ATXN2: variants seen among roughly 807,000 people sequenced by gnomAD.
ATXN2 encodes the protein ataxin 2.
Under a neutral mutation model 138.6 loss-of-function variants are expected in ATXN2, and 37 were observed. The observed-to-expected ratio is 0.27, with a 90% confidence interval of 0.21 to 0.35. The LOEUF is 0.35. ATXN2 is among the 10% of genes least tolerant of loss of function. ATXN2 has a pLI of 1.00. For missense variants in ATXN2, 1,216 were observed against 1,480.3 expected, an observed-to-expected ratio of 0.82 and a Z score of 2.93; for synonymous variants, 549 against 543.7, an observed-to-expected ratio of 1.01 and a Z score of -0.13.
chr12:111,539,884 G>C (rs915907432), intron 5 of ATXN2, among the ~76,000 whole-genome samples: 8 of 150,462 alleles, frequency 5.3e-5, no homozygotes, highest in Admixed American at 1.3e-4. Flanking sequence ...AATACTATTA[G>C]TGAAGAATAG....
chr12:111,510,288 T>A, intron 12 of ATXN2, 97 bp downstream of exon 12: 3 of 1,324,058 alleles, frequency 2.3e-6, no homozygotes, highest in Non-Finnish European at 3.1e-6. Context: ...TACTTGTCTA[T>A]GAATAAAAAT....
At chr12:111,455,211 C>A in intron 23 of ATXN2, 1 of 687,488 alleles carries the variant, frequency 1.5e-6, no homozygotes. Context: ...ACATCTAATA[C>A]AGCCAATTCA....
At chr12:111,501,617 A>G (rs545732023) in intron 14 of ATXN2, among the ~76,000 whole-genome samples, 2 of 152,234 alleles carry the variant, frequency 1.3e-5, no homozygotes, top group Admixed American at 6.5e-5. Context: ...CAATATAGCT[A>G]AAGAGTCAAG....
chr12:111,513,557 A>G lies in ATXN2; in HGVS notation c.1376-18T>C, dbSNP rs1566035546. Reference sequence around the variant, plus strand: ...TGGAGGCCCTAAGGAAGAAACAGTGAACATCACATAAATTCCATGATATTC... The same window carrying G: ...TGGAGGCCCTAAGGAAGAAACAGTGGACATCACATAAATTCCATGATATTC... On this transcript the variant is annotated intron_variant, in intron 10 of 24. Coordinates refer to ENST00000673436, the MANE Select transcript of ATXN2 (RefSeq NM_001372574.1). 1.9e-6 allele frequency: 3 copies of G among 1,600,692 alleles called. No homozygotes were observed. In the African/African-American group the frequency reaches 4.0e-5, roughly 22 times the overall value.
At position 111,453,687 on chromosome 12, in the gene ATXN2, C is replaced by G; in HGVS notation, c.3429G>C (p.Thr1143=). The change falls in exon 24 of 25, where the codon ACG becomes ACC. Residue 1143 remains threonine (T), a synonymous_variant. Coordinates refer to ENST00000673436, the MANE Select transcript of ATXN2 (RefSeq NM_001372574.1). The surrounding 1 kb of genome is among the most constrained non-coding windows in gnomAD (Gnocchi z 5.4). ...ACACACACGCCTCACCTGAAGGGTG[C>G]GTCATATAGGGGAAATGCGCTGTTG... ...VSTTAHFPYM[T]HPSVQAHHQQ... is the part of the protein sequence containing the mutation. The G allele has an allele frequency of 1.2e-6, 2 of 1,604,154 alleles. No individual in the cohort carries two copies. The highest frequency in any genetic ancestry group is 1.7e-6 in the Non-Finnish European group (2 of 1,174,644).
intron 14 of ATXN2, among the ~76,000 whole-genome samples, chr12:111,489,739 T>C (rs1017284054): frequency 4.6e-5 from 7 of 151,660 alleles, no homozygotes; most frequent in East Asian, 1.9e-4. Flanking sequence ...CTGGGCAACA[T>C]AGTGATACCC....
At chr12:111,530,737 C>T (rs553321032) in intron 5 of ATXN2, among the ~76,000 whole-genome samples, 1 of 152,122 alleles carries the variant, frequency 6.6e-6, no homozygotes, top group South Asian at 2.1e-4. Flanking sequence ...TGGTGTGAAC[C>T]AGGGAGGCAG....
intron 1 of ATXN2, among the ~76,000 whole-genome samples, chr12:111,580,679 G>A (rs1430890883): frequency 9.1e-5 from 11 of 121,058 alleles, no homozygotes; most frequent in Non-Finnish European, 1.8e-4. Context: ...GAGGGAGGGG[G>A]GGAGAGAGAA....
At chr12:111,492,265 G>A (rs1878082635) in intron 14 of ATXN2, among the ~76,000 whole-genome samples, 1 of 152,164 alleles carries the variant, frequency 6.6e-6, no homozygotes, top group African/African-American at 2.4e-5. Context: ...GACTACCAAG[G>A]TGATACCTCT....
chr12:111,594,031 T>A (rs927846407), intron 1 of ATXN2, among the ~76,000 whole-genome samples: 3 of 152,160 alleles, frequency 2.0e-5, no homozygotes, highest in Non-Finnish European at 4.4e-5. Context: ...CTCATTCCCC[T>A]CCCCACACTC....
At chr12:111,577,868 G>C (rs1031012190) in intron 1 of ATXN2, among the ~76,000 whole-genome samples, 1 of 151,906 alleles carries the variant, frequency 6.6e-6, no homozygotes, top group Non-Finnish European at 1.5e-5. Flanking sequence ...GATTGCTGGA[G>C]CCCAGGAGTT....
At chr12:111,457,620 C>T (rs769537795) in intron 21 of ATXN2, 53 of 303,980 alleles carry the variant, frequency 1.7e-4, no homozygotes, top group Non-Finnish European at 2.6e-4. Flanking sequence ...TTACTCTTAA[C>T]GGTCACTAGG....
At chr12:111,596,697 C>T (rs1235607176) in intron 1 of ATXN2, among the ~76,000 whole-genome samples, 3 of 152,146 alleles carry the variant, frequency 2.0e-5, no homozygotes, top group South Asian at 4.1e-4. Context: ...ACCTATTCAT[C>T]AGAAAGAATA....
At chr12:111,459,319 C>T (rs1489713990) in intron 21 of ATXN2, among the ~76,000 whole-genome samples, 1 of 152,180 alleles carries the variant, frequency 6.6e-6, no homozygotes, top group Admixed American at 6.5e-5. Flanking sequence ...TCATCATACT[C>T]ATTAAGTTTA....
intron 23 of ATXN2, chr12:111,455,663 C>T: frequency 3.0e-6 from 1 of 334,136 alleles, no homozygotes; most frequent in Non-Finnish European, 5.7e-6. Context: ...TCATCCCTGC[C>T]TGGCTTCCAA....
chr12:111,457,108 G>A lies in ATXN2; in HGVS notation c.3042+106C>T, dbSNP rs1490423047. ...CACAGCTGTATCCATCTTCACGAGGGTGGACATGCCATGTGTTCTGACGAT... is the reference window on the plus strand; with the variant it reads ...CACAGCTGTATCCATCTTCACGAGGATGGACATGCCATGTGTTCTGACGAT... On this transcript the variant is annotated intron_variant, in intron 22 of 24. Transcript: ENST00000673436. The A allele has an allele frequency of 3.0e-6, 4 of 1,352,622 alleles. No homozygotes were observed. In the African/African-American group the frequency reaches 5.9e-5, roughly 20 times the overall value. The allele number at this position is 1,352,622 out of a possible 1,614,324, so 83.8% of individuals were successfully genotyped here.
chr12:111,568,740 TAA>T (rs933465891), intron 1 of ATXN2, among the ~76,000 whole-genome samples: 3 of 152,318 alleles, frequency 2.0e-5, no homozygotes. Flanking sequence ...AATACTTAAG[TAA>T]CTAATATTTA....
At chr12:111,461,888 C>CTACA (rs1875613189) in intron 21 of ATXN2, among the ~76,000 whole-genome samples, 1 of 149,870 alleles carries the variant, frequency 6.7e-6, no homozygotes, top group African/African-American at 2.5e-5. Flanking sequence ...CACCACTGCA[C>CTACA]TCCAGCCTGG....
chr12:111,470,068 A>G (rs558226127), intron 20 of ATXN2, 40 bp downstream of exon 20: 2 of 1,572,340 alleles, frequency 1.3e-6, no homozygotes, highest in African/African-American at 2.7e-5. Flanking sequence ...AATTAAGAAG[A>G]GTCACACACA....
Sources: allele counts gnomAD v4.1 joint callset (sites outside exome capture counted in the v4.1 genomes callset), GRCh38; gene constraint gnomAD v4.1.1; non-coding constraint Gnocchi (gnomAD v3.1); transcripts MANE v1.5; gene names NCBI Gene and HGNC (gene_info 2026-07-23, HGNC 2026-07-21).